CYP7B1: variants seen among roughly 807,000 people sequenced by gnomAD.
CYP7B1 encodes cytochrome P450 7B1.
Under a neutral mutation model 42.7 loss-of-function variants are expected in CYP7B1, and 29 were observed. That is an observed-to-expected ratio of 0.68 (90% CI 0.51 to 0.93). CYP7B1 has a LOEUF of 0.93. CYP7B1 is among the 40% of genes least tolerant of loss of function. The probability of loss-of-function intolerance (pLI) is 0.00; values close to 1 mark genes in which losing one functional copy is unlikely to be tolerated. For synonymous variants in CYP7B1, 235 were observed against 218.2 expected (o/e 1.08, Z -0.68); for missense variants, 655 against 600.5 (o/e 1.09, Z -0.95).
intron 1 of CYP7B1, among the ~76,000 whole-genome samples, chr8:64,744,804 G>A (rs923934670): frequency 6.6e-6 from 1 of 152,060 alleles, no homozygotes; most frequent in Non-Finnish European, 1.5e-5. Flanking sequence ...TTCTATACTG[G>A]ACCTCAGAGG....
intron 1 of CYP7B1, among the ~76,000 whole-genome samples, chr8:64,764,421 GAGAA>G (rs1245874138): frequency 3.3e-5 from 5 of 152,194 alleles, no homozygotes; most frequent in African/African-American, 1.2e-4. Flanking sequence ...GAGAGGCAGA[GAGAA>G]AGACAGAAAG....
At chr8:64,704,112 A>G (rs1246718170) in intron 1 of CYP7B1, 2 of 152,066 alleles carry the variant, frequency 1.3e-5, no homozygotes, top group Non-Finnish European at 2.9e-5. Flanking sequence ...TCAAAGAAGC[A>G]TTTCTATTTT....
At chr8:64,714,062 G>A (rs1276452163) in intron 1 of CYP7B1, among the ~76,000 whole-genome samples, 1 of 152,142 alleles carries the variant, frequency 6.6e-6, no homozygotes, top group Non-Finnish European at 1.5e-5. Context: ...ATTAGGTGTT[G>A]GCATGCTCAA....
At chr8:64,717,792 A>G (rs937043661) in intron 1 of CYP7B1, among the ~76,000 whole-genome samples, 4 of 152,012 alleles carry the variant, frequency 2.6e-5, no homozygotes, top group African/African-American at 9.7e-5. Context: ...GGGTACGATA[A>G]GGTGAGATTG....
chr8:64,795,012 G>GA (rs901252966), intron 1 of CYP7B1, among the ~76,000 whole-genome samples: 100 of 146,480 alleles, frequency 6.8e-4, no homozygotes, highest in Admixed American at 3.2e-3. Context: ...GAAGTGTTCA[G>GA]AAAAAAAAAA....
intron 1 of CYP7B1, among the ~76,000 whole-genome samples, chr8:64,717,396 T>C (rs1807171201): frequency 6.6e-6 from 1 of 152,250 alleles, no homozygotes; most frequent in South Asian, 2.1e-4. Flanking sequence ...GCTAGCTCTT[T>C]ACCATTCATG....
At chr8:64,702,060 C>T (rs1806925278) in intron 1 of CYP7B1, among the ~76,000 whole-genome samples, 2 of 151,964 alleles carry the variant, frequency 1.3e-5, no homozygotes, top group African/African-American at 4.8e-5. Context: ...TGCTTTAACA[C>T]AATGAGGAGA....
intron 3 of CYP7B1, 145 bp from the exon 4 acceptor site, chr8:64,615,377 A>T: frequency 1.5e-6 from 1 of 657,804 alleles, no homozygotes; most frequent in Non-Finnish European, 2.5e-6. Context: ...CTGAAGTCTA[A>T]TTTTCTGCTT....
chr8:64,700,493 C>A (rs951095056), intron 1 of CYP7B1, among the ~76,000 whole-genome samples: 1 of 152,048 alleles, frequency 6.6e-6, no homozygotes. Context: ...ATGGGAAGTA[C>A]CATCTATTAG....
intron 1 of CYP7B1, among the ~76,000 whole-genome samples, chr8:64,648,593 T>C (rs949298059): frequency 2.6e-5 from 4 of 152,208 alleles, no homozygotes; most frequent in Non-Finnish European, 5.9e-5. Context: ...TATCTCTGTA[T>C]CTCAGTAAAG....
chr8:64,644,405 T>A (rs1055869883), intron 1 of CYP7B1, among the ~76,000 whole-genome samples: 1 of 152,162 alleles, frequency 6.6e-6, no homozygotes, highest in African/African-American at 2.4e-5. Context: ...AGGTTTCCAA[T>A]TAACTTTTCC....
At chr8:64,723,904 A>G (rs1279199973) in intron 1 of CYP7B1, among the ~76,000 whole-genome samples, 1 of 152,224 alleles carries the variant, frequency 6.6e-6, no homozygotes, top group Non-Finnish European at 1.5e-5. Flanking sequence ...CCAGTTGACC[A>G]GGACAATTTT....
chr8:64,798,718 G>T lies in CYP7B1; in HGVS notation c.-131C>A, dbSNP rs1214477028. On this transcript the variant is annotated 5_prime_UTR_variant, in exon 1 of 6. Transcript: ENST00000310193. ...CAGGGCCGGAGAGGCTGGCCTGCCC[G>T]CAGCGCAGACAGGAATGTCACCGTG... 2.9e-6 allele frequency: 3 copies of T among 1,027,046 alleles called. No homozygotes were observed. The highest frequency in any genetic ancestry group is 4.1e-5 in the Admixed American group (1 of 24,124). The allele number at this position is 1,027,046 out of a possible 1,614,324, so 63.6% of individuals were successfully genotyped here.
At chr8:64,752,998 C>A (rs1202947254) in intron 1 of CYP7B1, among the ~76,000 whole-genome samples, 2 of 152,066 alleles carry the variant, frequency 1.3e-5, no homozygotes, top group South Asian at 2.1e-4. Flanking sequence ...CACACACACA[C>A]AATTAACAAT....
chr8:64,658,807 CT>C (rs1436569842), intron 1 of CYP7B1, among the ~76,000 whole-genome samples: 2 of 152,316 alleles, frequency 1.3e-5, no homozygotes, highest in African/African-American at 4.8e-5. Flanking sequence ...TCACACCTGA[CT>C]TCCAGCATTA....
intron 1 of CYP7B1, among the ~76,000 whole-genome samples, chr8:64,691,804 G>A (rs1158294705): frequency 6.6e-6 from 1 of 152,244 alleles, no homozygotes; most frequent in South Asian, 2.1e-4. Flanking sequence ...TGCCACAGTA[G>A]GGGGCAGAGC....
intron 1 of CYP7B1, among the ~76,000 whole-genome samples, chr8:64,676,148 C>G (rs779141882): frequency 6.6e-6 from 1 of 152,086 alleles, no homozygotes; most frequent in Non-Finnish European, 1.5e-5. Flanking sequence ...TCCAATTAAC[C>G]TATTGCTTGT....
chr8:64,687,338 G>A (rs1806671011), intron 1 of CYP7B1, among the ~76,000 whole-genome samples: 1 of 152,170 alleles, frequency 6.6e-6, no homozygotes, highest in South Asian at 2.1e-4. Context: ...ACCACACATT[G>A]TATCATTCCA....
chr8:64,593,324 G>GAA lies in CYP7B1; in HGVS notation c.*3317_*3318insTT, dbSNP rs1427271394. ...TTGCATAAAGCCAAGAACTTGCAAA[G>GAA]ACAACATACTCAATAGGTGAACTAG... On this transcript the variant is annotated 3_prime_UTR_variant, in exon 6 of 6. Coordinates refer to ENST00000310193, the MANE Select transcript of CYP7B1 (RefSeq NM_004820.5). Among the ~76,000 whole-genome samples the GAA allele has an allele frequency of 1.4e-5, 2 of 147,582 alleles. No homozygotes were observed. The highest frequency in any genetic ancestry group is 5.0e-5 in the African/African-American group (2 of 40,216).
Sources: gnomAD v4.1 joint callset for allele counts (sites outside exome capture counted in the v4.1 genomes callset) on GRCh38, gnomAD v4.1.1 for gene constraint, MANE v1.5 for transcripts, NCBI Gene and HGNC (gene_info 2026-07-23, HGNC 2026-07-21) for gene names.